ZFAND3: variants seen among roughly 807,000 people sequenced by gnomAD.
ZFAND3 encodes zinc finger AN1-type containing 3.
ZFAND3 carries 10 observed loss-of-function variants against 29.6 expected under a neutral mutation model. The ratio of observed to expected loss-of-function variants is 0.34; its 90% CI spans 0.21 to 0.57. The LOEUF is 0.57. Ranked by LOEUF, ZFAND3 falls within the 20% of genes least tolerant of loss-of-function variation. The probability of loss-of-function intolerance (pLI) is 0.86; values close to 1 mark genes in which losing one functional copy is unlikely to be tolerated. For synonymous variants in ZFAND3, 128 were observed against 112.6 expected (o/e 1.14, Z -0.87); for missense variants, 230 against 304.5 (o/e 0.76, Z 1.82).
intron 3 of ZFAND3, among the ~76,000 whole-genome samples, chr6:38,076,110 C>G (rs1764548928): frequency 6.6e-6 from 1 of 152,058 alleles, no homozygotes; most frequent in Non-Finnish European, 1.5e-5. Flanking sequence ...GCTACCACCC[C>G]CTGATCAGTT....
chr6:37,849,690 G>C (rs901327329), intron 1 of ZFAND3, among the ~76,000 whole-genome samples: 4 of 152,180 alleles, frequency 2.6e-5, no homozygotes, highest in Non-Finnish European at 4.4e-5. Flanking sequence ...GATTACAGGC[G>C]TGAGCCACAG....
intron 1 of ZFAND3, among the ~76,000 whole-genome samples, chr6:37,836,468 A>G (rs965988713): frequency 1.3e-5 from 2 of 152,188 alleles, no homozygotes; most frequent in Non-Finnish European, 2.9e-5. Context: ...TGATATTTCA[A>G]TGAAGAAATG....
intron 2 of ZFAND3, among the ~76,000 whole-genome samples, chr6:37,979,102 A>G (rs553912012): frequency 2.2e-4 from 34 of 151,680 alleles, no homozygotes; most frequent in African/African-American, 8.2e-4. Context: ...TTTGAGTTTA[A>G]TTTGTTCTTA....
intron 1 of ZFAND3, among the ~76,000 whole-genome samples, chr6:37,838,698 A>G (rs1764014813): frequency 6.6e-6 from 1 of 152,150 alleles, no homozygotes; most frequent in Non-Finnish European, 1.5e-5. Context: ...GATATACCAC[A>G]TTTTGTTTAT....
intron 5 of ZFAND3, among the ~76,000 whole-genome samples, chr6:38,124,501 C>T (rs1216250252): frequency 5.9e-5 from 9 of 152,182 alleles, no homozygotes; most frequent in South Asian, 4.1e-4. Flanking sequence ...AGCTAAAGCC[C>T]GGTGAGAAAT....
At chr6:38,056,895 T>A (rs1050559152) in intron 2 of ZFAND3, among the ~76,000 whole-genome samples, 2 of 152,184 alleles carry the variant, frequency 1.3e-5, no homozygotes, top group African/African-American at 2.4e-5. Context: ...TTAACAGTAT[T>A]CCCATTAAAG....
intron 2 of ZFAND3, among the ~76,000 whole-genome samples, chr6:38,006,566 G>T (rs1339527725): frequency 6.6e-6 from 1 of 151,872 alleles, no homozygotes; most frequent in Non-Finnish European, 1.5e-5. Flanking sequence ...ACACAGAGTG[G>T]GCAGGGTGTA....
intron 1 of ZFAND3, among the ~76,000 whole-genome samples, chr6:37,875,096 TGAAG>T (rs1258818172): frequency 6.6e-6 from 1 of 152,222 alleles, no homozygotes; most frequent in African/African-American, 2.4e-5. Flanking sequence ...TTTTTGAATG[TGAAG>T]GACAGCAGTT....
chr6:37,833,379 C>T (rs1364345606), intron 1 of ZFAND3, among the ~76,000 whole-genome samples: 1 of 152,130 alleles, frequency 6.6e-6, no homozygotes, highest in Non-Finnish European at 1.5e-5. Flanking sequence ...GTAACTGCTC[C>T]CTTCCTCTCT....
chr6:37,839,055 T>G (rs1719204522), intron 1 of ZFAND3, among the ~76,000 whole-genome samples: 1 of 152,246 alleles, frequency 6.6e-6, no homozygotes, highest in Non-Finnish European at 1.5e-5. Context: ...CCTTAATGAC[T>G]GATGATGTTG....
chr6:37,849,306 C>T (rs1198128375), intron 1 of ZFAND3, among the ~76,000 whole-genome samples: 1 of 152,116 alleles, frequency 6.6e-6, no homozygotes. Context: ...CTCTCTTCTT[C>T]TTTGGGCTAT....
intron 2 of ZFAND3, among the ~76,000 whole-genome samples, chr6:37,933,282 T>C (rs943006345): frequency 3.9e-5 from 6 of 152,260 alleles, no homozygotes; most frequent in East Asian, 1.9e-4. Context: ...GGTGAAAAAA[T>C]TAGTTTGTTA....
At chr6:38,021,682 A>G (rs1334736577) in intron 2 of ZFAND3, among the ~76,000 whole-genome samples, 1 of 152,232 alleles carries the variant, frequency 6.6e-6, no homozygotes, top group African/African-American at 2.4e-5. Flanking sequence ...TGGTAGAGTT[A>G]ATACTTTTCC....
intron 2 of ZFAND3, among the ~76,000 whole-genome samples, chr6:37,933,268 A>G (rs1761632328): frequency 1.3e-5 from 2 of 152,238 alleles, no homozygotes; most frequent in Non-Finnish European, 2.9e-5. Context: ...TTCAAAATCT[A>G]TGTGGTGAAA....
intron 1 of ZFAND3, among the ~76,000 whole-genome samples, chr6:37,856,927 T>A (rs1478328989): frequency 1.3e-5 from 2 of 149,322 alleles, no homozygotes; most frequent in African/African-American, 4.9e-5. Flanking sequence ...ATGATTAATA[T>A]TATTTATTGT....
intron 1 of ZFAND3, among the ~76,000 whole-genome samples, chr6:37,920,548 T>G (rs1761358927): frequency 6.6e-6 from 1 of 152,224 alleles, no homozygotes; most frequent in African/African-American, 2.4e-5. Context: ...CGAGGCATTT[T>G]GCTCTGCTGT....
chr6:38,012,628 C>T (rs1347843270), intron 2 of ZFAND3, among the ~76,000 whole-genome samples: 3 of 152,104 alleles, frequency 2.0e-5, no homozygotes, highest in South Asian at 2.1e-4. Flanking sequence ...CCAGCCGCCT[C>T]GGCCTTCCAA....
chr6:37,850,075 C>G (rs941097482), intron 1 of ZFAND3, among the ~76,000 whole-genome samples: 5 of 152,192 alleles, frequency 3.3e-5, no homozygotes, highest in African/African-American at 1.2e-4. Flanking sequence ...TCCATTCATC[C>G]TGGGCACAGC....
At chr6:37,956,530 AT>A (rs146454338) in intron 2 of ZFAND3, among the ~76,000 whole-genome samples, 9,582 of 152,308 alleles carry the variant, frequency 0.063, 422 homozygotes, top group Non-Finnish European at 0.092. Flanking sequence ...ATATTTTAGG[AT>A]TTCAACTTTG....
Sources: allele counts gnomAD v4.1 joint callset (sites outside exome capture counted in the v4.1 genomes callset), GRCh38; gene constraint gnomAD v4.1.1; transcripts MANE v1.5; gene names NCBI Gene and HGNC (gene_info 2026-07-23, HGNC 2026-07-21).